EML1: variants seen among roughly 807,000 people sequenced by gnomAD.
The protein encoded by EML1 is echinoderm microtubule-associated protein-like 1.
EML1 carries 27 observed loss-of-function variants against 110.4 expected under a neutral mutation model. The observed-to-expected ratio is 0.24, with a 90% CI of 0.18 to 0.34. The LOEUF is 0.34. Ranked by LOEUF, EML1 falls within the 10% of genes least tolerant of loss-of-function variation. EML1 has a pLI of 1.00. For synonymous variants in EML1, 344 were observed against 385.8 expected, an observed-to-expected ratio of 0.89 and a Z score of 1.27; for missense variants, 741 against 1,030.9, an observed-to-expected ratio of 0.72 and a Z score of 3.85.
chr14:99,892,796 T>A (rs1054410319), intron 5 of EML1, among the ~76,000 whole-genome samples: 10 of 152,254 alleles, frequency 6.6e-5, no homozygotes, highest in African/African-American at 1.9e-4. Context: ...ACATCCACAC[T>A]CTGCATTTTT....
chr14:99,822,998 G>A (rs2058289341), intron 1 of EML1, among the ~76,000 whole-genome samples: 1 of 152,126 alleles, frequency 6.6e-6, no homozygotes, highest in Non-Finnish European at 1.5e-5. Flanking sequence ...TACACACTGG[G>A]TGTCAATGCT....
chr14:99,867,163 C>T (rs1175239394), intron 3 of EML1, among the ~76,000 whole-genome samples: 1 of 152,110 alleles, frequency 6.6e-6, no homozygotes. Flanking sequence ...CCATCAGTGG[C>T]TATTCTGTAC....
Position 99,936,967 on chromosome 14 carries a change from C to T in EML1, c.2095+633C>T, listed in dbSNP as rs577874570. Among the ~76,000 whole-genome samples, 95 of 152,354 alleles carry T rather than the reference C, an allele frequency of 6.2e-4. No homozygotes were observed. In the South Asian group the frequency reaches 0.019, roughly 30 times the overall value. On this transcript the variant is annotated intron_variant, in intron 19 of 21. Transcript: ENST00000262233. The surrounding 1 kb of genome is among the most constrained non-coding windows in gnomAD (Gnocchi z 5.5). ...CGTGGGCACAAGGAAGGCCTCGCTG[C>T]TCCCCTGCTGGAAGTTACTGGAAAG...
chr14:99,752,254 C>G (rs2057185412), intron 1 of EML1, among the ~76,000 whole-genome samples: 1 of 152,112 alleles, frequency 6.6e-6, no homozygotes, highest in Non-Finnish European at 1.5e-5. Context: ...ACTCGAAATT[C>G]CAAGTCCTTG....
chr14:99,872,801 A>G (rs2059227217), intron 3 of EML1, among the ~76,000 whole-genome samples: 1 of 152,246 alleles, frequency 6.6e-6, no homozygotes, highest in African/African-American at 2.4e-5. Context: ...CATTTCAAAT[A>G]TGTTTACAAT....
intron 1 of EML1, among the ~76,000 whole-genome samples, chr14:99,766,891 G>A (rs1367486887): frequency 1.3e-5 from 2 of 152,182 alleles, no homozygotes; most frequent in Non-Finnish European, 2.9e-5. Flanking sequence ...GAGAGAGGCT[G>A]GCCACCGGGC....
At chr14:99,878,379 A>G (rs1301701705) in intron 3 of EML1, 106 bp from the exon 4 acceptor site, 2 of 1,471,292 alleles carry the variant, frequency 1.4e-6, no homozygotes, top group African/African-American at 1.4e-5. Flanking sequence ...CTGTCTTTTG[A>G]ATATCCATGT....
At chr14:99,842,361 G>A (rs2058646757) in intron 1 of EML1, among the ~76,000 whole-genome samples, 1 of 152,182 alleles carries the variant, frequency 6.6e-6, no homozygotes, top group Admixed American at 6.5e-5. Flanking sequence ...GGTCTTTTCT[G>A]TACACAAGAA....
At chr14:99,851,663 T>G (rs188729008) in intron 2 of EML1, among the ~76,000 whole-genome samples, 1 of 152,226 alleles carries the variant, frequency 6.6e-6, no homozygotes, top group African/African-American at 2.4e-5. Flanking sequence ...GAAAGAACCA[T>G]GATCCTTTGG....
rs368044152 is a variant in EML1, at chr14:99,796,936, T to TGTGAGA, written c.67+3394_67+3395insTGAGAG. ...GTGTGTGTGTGTGTGTGTGTGTGTG[T>TGTGAGA]GAGAGAGTAATAGCTTTATTGAAAT... On this transcript the variant is annotated intron_variant, in intron 1 of 21. Coordinates refer to ENST00000262233, the MANE Select transcript of EML1 (RefSeq NM_004434.3). Among the ~76,000 whole-genome samples the TGTGAGA allele has an allele frequency of 5.8e-4, 87 of 150,138 alleles. 1 individual carries two copies. The East Asian group carries it at 0.015, about 26-fold the overall frequency.
At chr14:99,800,534 A>T (rs1034637242) in intron 1 of EML1, among the ~76,000 whole-genome samples, 2 of 151,952 alleles carry the variant, frequency 1.3e-5, no homozygotes, top group African/African-American at 4.8e-5. Flanking sequence ...GCTAAATTTT[A>T]AAAAAATTTT....
chr14:99,780,532 T>C (rs2057528094), intron 1 of EML1, among the ~76,000 whole-genome samples: 1 of 152,146 alleles, frequency 6.6e-6, no homozygotes, highest in Admixed American at 6.5e-5. Context: ...TAGCAGAACA[T>C]GGAGGCAAAC....
intron 1 of EML1, among the ~76,000 whole-genome samples, chr14:99,748,210 G>A (rs1016480728): frequency 2.0e-5 from 3 of 151,988 alleles, no homozygotes; most frequent in Admixed American, 6.5e-5. Context: ...GCCCCTGCCC[G>A]CAGCCCCAGG....
At chr14:99,741,386 C>T (rs2057040471) in intron 1 of EML1, among the ~76,000 whole-genome samples, 2 of 152,110 alleles carry the variant, frequency 1.3e-5, no homozygotes, top group African/African-American at 4.8e-5. Context: ...CCGTCTTTAT[C>T]ACCTCCCCCA....
At chr14:99,891,537 C>T (rs1309822285) in intron 5 of EML1, among the ~76,000 whole-genome samples, 1 of 152,214 alleles carries the variant, frequency 6.6e-6, no homozygotes, top group African/African-American at 2.4e-5. Context: ...TAAAAGGTGT[C>T]TGTTGCCTTG....
chr14:99,931,028 ATCCCCCATC>A (rs2060357359), intron 17 of EML1, among the ~76,000 whole-genome samples: 1 of 152,178 alleles, frequency 6.6e-6, no homozygotes, highest in African/African-American at 2.4e-5. Context: ...GCAGTATTAG[ATCCCCCATC>A]TGCCTGGGTC....
chr14:99,859,605 G>A (rs146609920), intron 2 of EML1, among the ~76,000 whole-genome samples: 79 of 152,192 alleles, frequency 5.2e-4, no homozygotes, highest in African/African-American at 1.5e-3. Context: ...AGGGACTGGC[G>A]CCCCGGCCCC....
chr14:99,846,119 GA>G (rs1282212264), intron 1 of EML1, among the ~76,000 whole-genome samples: 1 of 151,482 alleles, frequency 6.6e-6, no homozygotes, highest in Non-Finnish European at 1.5e-5. Context: ...GGGCAAGACA[GA>G]ATTATTTATC....
chr14:99,934,432 C>T (rs1314604445), intron 17 of EML1, among the ~76,000 whole-genome samples: 1 of 152,368 alleles, frequency 6.6e-6, no homozygotes, highest in South Asian at 2.1e-4. Flanking sequence ...GCCAACACTT[C>T]CTAAAATACC....
Sources: gnomAD v4.1 joint callset for allele counts (sites outside exome capture counted in the v4.1 genomes callset) on GRCh38, gnomAD v4.1.1 for gene constraint, Gnocchi (gnomAD v3.1) non-coding constraint, MANE v1.5 for transcripts, NCBI Gene and HGNC (gene_info 2026-07-23, HGNC 2026-07-21) for gene names.